HNRNPU: variants seen among roughly 807,000 people sequenced by gnomAD.
The protein encoded by HNRNPU is heterogeneous nuclear ribonucleoprotein U.
A neutral mutation model predicts 94.7 loss-of-function variants in HNRNPU; 5 were observed. That is an observed-to-expected ratio of 0.05 (90% CI 0.03 to 0.11). HNRNPU has a LOEUF of 0.11. Among genes scored for constraint, HNRNPU ranks in the 10% least tolerant of loss-of-function variants. The pLI, the probability that HNRNPU is intolerant of heterozygous loss-of-function variation, is 1.00. For synonymous variants in HNRNPU, 434 were observed against 381.6 expected, an observed-to-expected ratio of 1.14 and a Z score of -1.60; for missense variants, 710 against 1,049.2, an observed-to-expected ratio of 0.68 and a Z score of 4.47.
In HNRNPU at chr1:244,862,386, T is replaced by A. The variant is rs78271101; in HGVS notation, c.877+75A>T. 3.4e-4 allele frequency: 333 copies of A among 973,918 alleles called. 2 individuals are homozygous for A. In the East Asian group the frequency reaches 8.3e-3, roughly 24 times the overall value. The allele number at this position is 973,918 out of a possible 1,614,324, so 60.3% of individuals were successfully genotyped here. A position where few individuals can be genotyped will look rare whatever the true frequency, so the allele number is the denominator to read the frequency against. On this transcript the variant is annotated intron_variant, in intron 3 of 13. Coordinates refer to ENST00000640218, the MANE Select transcript of HNRNPU (RefSeq NM_031844.3). ...CCCAAGTTTTGCTGCACTTAAGCAT[T>A]AAGACTTCTAAAAAAAAAAAAAAAA...
In HNRNPU at chr1:244,856,485, T is replaced by A; in HGVS notation, c.1884A>T (p.Leu628=). The change falls in exon 10 of 14, where the codon CTA becomes CTT. Residue 628 remains leucine, a synonymous_variant. Transcript: ENST00000640218. ...QKKAEVEGKD[L]PEHAVLKMKG... is the part of the protein sequence containing the mutation. ...TCATTTTGAGGACCGCATGTTCTGG[T>A]AGGTCTTTCCCCTCTACTTCTGCTT... 1 of 1,613,462 alleles carries A rather than the reference T, an allele frequency of 6.2e-7. No homozygotes were observed. Among genetic ancestry groups the A allele is most frequent in the Non-Finnish European group, 8.5e-7 (1 of 1,179,794 alleles).
chr1:244,854,175 A>AG lies in HNRNPU; in HGVS notation c.*274_*275insC. On this transcript the variant is annotated 3_prime_UTR_variant, in exon 14 of 14. Coordinates refer to ENST00000640218, the MANE Select transcript of HNRNPU (RefSeq NM_031844.3). ...CTTCTGTTGTGATAAAAAAAAAAAA[A>AG]AGTCACATTTTACAGATAAAATGTA... 1 of 313,614 alleles carries AG rather than the reference A, an allele frequency of 3.2e-6. No homozygotes were observed. The highest frequency in any genetic ancestry group is 5.8e-6 in the Non-Finnish European group (1 of 171,282). The allele number at this position is 313,614 out of a possible 1,614,324, so 19.4% of individuals were successfully genotyped here.
At chr1:244,862,583 A>T in intron 2 of HNRNPU, 36 bp downstream of exon 2, 1 of 1,607,882 alleles carries the variant, frequency 6.2e-7, no homozygotes, top group Admixed American at 1.7e-5. Context: ...CAACGAACGA[A>T]TAAGGGATGA....
rs761107762 is a variant in HNRNPU, at chr1:244,864,098, C to T, written c.210G>A (p.Ser70=). The T allele has an allele frequency of 6.3e-7, 1 of 1,596,386 alleles. No individual in the cohort carries two copies. The highest frequency in any genetic ancestry group is 1.1e-5 in the South Asian group (1 of 89,368). Residue 70 remains serine (S), a synonymous_variant, in exon 1 of 14, where the codon TCG becomes TCA. Coordinates refer to ENST00000640218, the MANE Select transcript of HNRNPU (RefSeq NM_031844.3). Reference sequence around the variant, plus strand: ...CGGCCTCCTGCTCGAGGCCTGCTCCCGAGCGCCCAGCGGAATCCCCGCCCA... The same window carrying T: ...CGGCCTCCTGCTCGAGGCCTGCTCCTGAGCGCCCAGCGGAATCCCCGCCCA... ...LDLGGDSAGR[S]GAGLEQEAAA...
At position 244,858,068 on chromosome 1, in the gene HNRNPU, G is replaced by C. The variant is rs756253471; in HGVS notation, c.1437C>G (p.Val479=). 6.2e-7 allele frequency: 1 copy of C among 1,613,924 alleles called. No homozygotes were observed. The highest frequency in any genetic ancestry group is 1.1e-5 in the South Asian group (1 of 91,062). The change falls in exon 7 of 14, where the codon GTC becomes GTG. Residue 479 remains valine (V), a synonymous_variant. Transcript: ENST00000640218. ...GTCCTCTAACTCGATCCTCTAAGGG[G>C]ACGTTCTGGATGAAAGTATACTCTT... ...IPEEYTFIQN[V]PLEDRVRGPK...
chr1:244,858,281 C>A lies in HNRNPU; in HGVS notation c.1231-7G>T. The A allele has an allele frequency of 1.2e-6, 2 of 1,604,518 alleles. No homozygotes were observed. The highest frequency in any genetic ancestry group is 2.2e-5 in the East Asian group (1 of 44,822). The stretch of plus-strand genomic sequence containing the variant: ...CTTCATCACTTTCAAAGTTCTGTTA[C>A]ACAGAAAAAAATTCAACAGTTAAAA... On this transcript the variant is annotated splice_region_variant and splice_polypyrimidine_tract_variant and intron_variant, in intron 6 of 13. Coordinates refer to ENST00000640218, the MANE Select transcript of HNRNPU (RefSeq NM_031844.3).
intron 10 of HNRNPU, 119 bp from the exon 11 acceptor site, chr1:244,856,277 C>A: frequency 8.5e-7 from 1 of 1,171,676 alleles, no homozygotes; most frequent in South Asian, 1.5e-5. Flanking sequence ...ACAGACCAAA[C>A]ATATATGCAT....
At position 244,854,340 on chromosome 1, in the gene HNRNPU, G is replaced by A. The variant is rs1293408641; in HGVS notation, c.*110C>T. 15 of 757,960 alleles carry A rather than the reference G, an allele frequency of 2.0e-5. No homozygotes were observed. The highest frequency in any genetic ancestry group is 5.1e-5 in the East Asian group (2 of 39,572). 47.0% of individuals were successfully genotyped at this position (757,960 alleles called of 1,614,324 possible). ...CACAAAGCTTCTAAAAAAGGAACCC[G>A]CAGGCACTTCCTCTTGTGGAATGTT... is the stretch of plus-strand genomic sequence containing the variant. On this transcript the variant is annotated 3_prime_UTR_variant, in exon 14 of 14. Coordinates refer to ENST00000640218, the MANE Select transcript of HNRNPU (RefSeq NM_031844.3).
At chr1:244,857,403 C>CA in intron 8 of HNRNPU, 195 bp downstream of exon 8, 1 of 534,298 alleles carries the variant, frequency 1.9e-6, no homozygotes, top group African/African-American at 2.0e-5. Context: ...CCCACTACCA[C>CA]ACCCAGCTAA....
At chr1:244,857,541 C>T in intron 8 of HNRNPU, 57 bp downstream of exon 8, 1 of 1,563,470 alleles carries the variant, frequency 6.4e-7, no homozygotes. Flanking sequence ...ACCACCATGC[C>T]CAGCCTCTCC....
Position 244,858,149 on chromosome 1 carries a change from G to A in HNRNPU, c.1356C>T (p.Asn452=). The change falls in exon 7 of 14, where the codon AAC becomes AAT. Residue 452 remains asparagine, a synonymous_variant. Coordinates refer to ENST00000640218, the MANE Select transcript of HNRNPU (RefSeq NM_031844.3). ...RPLFPHVLCH[N]CAVEFNFGQK... is the part of the protein sequence containing the mutation. The stretch of plus-strand genomic sequence containing the variant: ...GACCAAAATTAAATTCAACTGCACA[G>A]TTGTGGCAGAGAACATGCGGGAACA... 2.5e-6 allele frequency: 4 copies of A among 1,614,146 alleles called. No individual in the cohort carries two copies. Among genetic ancestry groups the A allele is most frequent in the Non-Finnish European group, 3.4e-6 (4 of 1,180,016 alleles).
chr1:244,863,743 C>T lies in HNRNPU; in HGVS notation c.565G>A (p.Gly189Ser), dbSNP rs368440067. 3.8e-6 allele frequency: 6 copies of T among 1,579,094 alleles called. No homozygotes were observed. Among genetic ancestry groups the T allele is most frequent in the East Asian group, 2.3e-5 (1 of 43,026 alleles). Residue 189 changes from glycine to serine, a missense_variant, in exon 1 of 14, where the codon GGC becomes AGC. Physicochemically the swap from Gly to Ser is moderately conservative, Grantham distance 56. Around this residue, in one of 8 missense-constraint regions of HNRNPU, gnomAD observed 292 missense variants for 293.4 expected, o/e 1.00. Coordinates refer to ENST00000640218, the MANE Select transcript of HNRNPU (RefSeq NM_031844.3). The stretch of plus-strand genomic sequence containing the variant: ...GTCACCGCGAACAGCGAGGTGGGGC[C>T]GCTGCTCTTCCCCGCGGCCTCCTTG... ...AAKEAAGKSS[G>S]PTSLFAVTVA...
intron 13 of HNRNPU, 110 bp downstream of exon 13, chr1:244,854,863 T>TTAA (rs945218285): frequency 1.1e-6 from 1 of 920,472 alleles, no homozygotes; most frequent in Non-Finnish European, 1.8e-6. Flanking sequence ...CTTTACCCTA[T>TTAA]TAACACTTAT....
In HNRNPU at chr1:244,858,260, A is replaced by G; in HGVS notation, c.1245T>C (p.Asp415=). Residue 415 remains aspartate (D), a synonymous_variant, in exon 7 of 14, where the codon GAT becomes GAC. Coordinates refer to ENST00000640218, the MANE Select transcript of HNRNPU (RefSeq NM_031844.3). ...VITCFANFES[D]EVELSYAKNG... ...TCTTAGCATACGAGAGTTCTACTTC[A>G]TCACTTTCAAAGTTCTGTTACACAG... 1 of 1,613,634 alleles carries G rather than the reference A, an allele frequency of 6.2e-7. No individual in the cohort carries two copies. The highest frequency in any genetic ancestry group is 2.2e-5 in the East Asian group (1 of 44,888).
intron 1 of HNRNPU, chr1:244,862,995 G>A (rs773027484): frequency 4.1e-6 from 2 of 485,914 alleles, no homozygotes; most frequent in Non-Finnish European, 7.4e-6. Flanking sequence ...CGAAGCCCAC[G>A]TGTATCCCGA....
At position 244,859,410 on chromosome 1, in the gene HNRNPU, A is replaced by G. The variant is rs201473780; in HGVS notation, c.1018-36T>C. On this transcript the variant is annotated intron_variant, in intron 4 of 13. Transcript: ENST00000640218. ...AATCATTAAATAATTAAAATAATAC[A>G]CCAAGGAGGTAACCCCTTAACTCTC... 150 of 1,014,272 alleles carry G rather than the reference A, an allele frequency of 1.5e-4. No homozygotes were observed. In the African/African-American group the frequency reaches 2.2e-3, roughly 15 times the overall value. The allele number at this position is 1,014,272 out of a possible 1,614,324, so 62.8% of individuals were successfully genotyped here. A position where few individuals can be genotyped will look rare whatever the true frequency, so the allele number is the denominator to read the frequency against.
In HNRNPU at chr1:244,854,176, A is replaced by AC. The variant is rs58273005; in HGVS notation, c.*273_*274insG. ...TTCTGTTGTGATAAAAAAAAAAAAA[A>AC]GTCACATTTTACAGATAAAATGTAG... On this transcript the variant is annotated 3_prime_UTR_variant, in exon 14 of 14. Coordinates refer to ENST00000640218, the MANE Select transcript of HNRNPU (RefSeq NM_031844.3). 2 of 310,468 alleles carry AC rather than the reference A, an allele frequency of 6.4e-6. No individual in the cohort carries two copies. The highest frequency in any genetic ancestry group is 1.2e-5 in the Non-Finnish European group (2 of 169,238). 19.2% of individuals were successfully genotyped at this position (310,468 alleles called of 1,614,324 possible). A position where few individuals can be genotyped will look rare whatever the true frequency, so the allele number is the denominator to read the frequency against.
chr1:244,857,593 C>T lies in HNRNPU; in HGVS notation c.1614+5G>A, dbSNP rs2102986339. The T allele has an allele frequency of 6.2e-7, 1 of 1,612,420 alleles. No individual in the cohort carries two copies. The highest frequency in any genetic ancestry group is 1.3e-5 in the African/African-American group (1 of 74,950). ...CTGAGATCAGGCCCTAAACATTTTA[C>T]TTACCATCATCTTATCCATAATAGT... On this transcript the variant is annotated splice_donor_5th_base_variant and intron_variant, in intron 8 of 13. Coordinates refer to ENST00000640218, the MANE Select transcript of HNRNPU (RefSeq NM_031844.3).
In HNRNPU at chr1:244,851,198, T is replaced by A. The variant is rs768863671; in HGVS notation, c.*3252A>T. The A allele has an allele frequency of 1.3e-4, 20 of 152,244 alleles. No individual in the cohort carries two copies. Among genetic ancestry groups the A allele is most frequent in the Non-Finnish European group, 2.4e-4 (16 of 68,040 alleles). The allele number at this position is 152,244 out of a possible 1,614,324, so 9.4% of individuals were successfully genotyped here. A position where few individuals can be genotyped will look rare whatever the true frequency, so the allele number is the denominator to read the frequency against. Reference sequence around the variant, plus strand: ...TAAAACATCCATTTATTATATCCAATGCTAAACACTACCACTTGGACTCTA... The same window carrying A: ...TAAAACATCCATTTATTATATCCAAAGCTAAACACTACCACTTGGACTCTA... On this transcript the variant is annotated 3_prime_UTR_variant, in exon 14 of 14. Transcript: ENST00000640218.
Sources: allele counts gnomAD v4.1 joint callset, GRCh38; gene constraint gnomAD v4.1.1; regional missense constraint gnomAD v4.1.1; transcripts MANE v1.5; gene names NCBI Gene and HGNC (gene_info 2026-07-23, HGNC 2026-07-21).